CRYBG2: variants seen among roughly 807,000 people sequenced by gnomAD.
CRYBG2 encodes crystallin beta-gamma domain containing 2.
In CRYBG2, 106 loss-of-function variants were observed where a neutral mutation model predicts 153.4. The observed-to-expected ratio is 0.69, with a 90% CI of 0.59 to 0.81. The LOEUF (loss-of-function observed/expected upper bound fraction) is 0.81. CRYBG2 is among the 30% of genes least tolerant of loss of function. The probability of loss-of-function intolerance (pLI) is 0.00; values close to 1 mark genes in which losing one functional copy is unlikely to be tolerated. For missense variants in CRYBG2, 1,996 were observed against 2,112.0 expected (o/e 0.95, Z 1.08); for synonymous variants, 851 against 877.8 (o/e 0.97, Z 0.54).
Position 26,337,361 on chromosome 1 carries a change from C to T in CRYBG2, c.3663G>A (p.Lys1221=). 2 of 1,613,746 alleles carry T rather than the reference C, an allele frequency of 1.2e-6. No homozygotes were observed. Among genetic ancestry groups the T allele is most frequent in the African/African-American group, 1.3e-5 (1 of 75,014 alleles). The change falls in exon 10 of 20, where the codon AAG becomes AAA. Residue 1221 remains lysine, a synonymous_variant. Transcript: ENST00000308182. ...GATACTGGTGGCCCCGGAAGCCCTC[C>T]TTCTCGTAGCCCACCCAGCTGGGAA... The part of the protein sequence containing the change: ...VLGGCWVGYE[K]EGFRGHQYLL...
intron 14 of CRYBG2, among the ~76,000 whole-genome samples, chr1:26,333,053 T>TAA (rs1553167399): frequency 5.1e-4 from 17 of 33,064 alleles, no homozygotes; most frequent in Non-Finnish European, 9.1e-4. Context: ...AAAAGATTTC[T>TAA]AACAGCGGGA....
At position 26,336,230 on chromosome 1, in the gene CRYBG2, A is replaced by T. The variant is rs764362233; in HGVS notation, c.4072-23T>A. 8.3e-6 allele frequency: 13 copies of T among 1,567,676 alleles called. No individual in the cohort carries two copies. The highest frequency in any genetic ancestry group is 8.7e-7 in the Non-Finnish European group (1 of 1,154,006). ...AATCTGGAGGCAGAGAGGGGAGATG[A>T]GGGGAAGGAGGACGATGGAGTGGGG... On this transcript the variant is annotated intron_variant, in intron 13 of 19. Transcript: ENST00000308182. The surrounding 1 kb of genome is among the most constrained non-coding windows in gnomAD (Gnocchi z 4.9).
chr1:26,352,399 C>T (rs947779114), intron 1 of CRYBG2, among the ~76,000 whole-genome samples: 17 of 152,122 alleles, frequency 1.1e-4, no homozygotes, highest in South Asian at 6.2e-4. Flanking sequence ...GTGACACACA[C>T]GTGCACACAT....
rs1213677763 is a variant in CRYBG2, at chr1:26,342,823, G to A, written c.3135C>T (p.Asp1045=). 3 of 1,614,028 alleles carry A rather than the reference G, an allele frequency of 1.9e-6. No individual in the cohort carries two copies. In the Admixed American group the frequency reaches 5.0e-5, roughly 27 times the overall value. Residue 1045 remains aspartate, a synonymous_variant, in exon 5 of 20, where the codon GAC becomes GAT. Coordinates refer to ENST00000308182, the MANE Select transcript of CRYBG2 (RefSeq NM_001039775.4). The part of the protein sequence containing the change: ...RGQKLVLPEG[D]MELRTPGTKW... ...TTGTCCCTGGGGTTCTGAGTTCCAT[G>A]TCTCCTTCAGGCAGGACCAGCTTCT...
Position 26,336,336 on chromosome 1 carries a change from A to T in CRYBG2, c.4071+2T>A. On this transcript the variant is annotated splice_donor_variant, in intron 13 of 19. Transcript: ENST00000308182. LOFTEE classifies it high-confidence loss of function. This position sits in a 1 kb window ranked among gnomAD's most constrained non-coding sequence, Gnocchi z 4.9. ...CGGCTCCCTGCGGAGTCCCTGCCTT[A>T]CCTTTGAGACGAAGTGCAGATCGTG... is the stretch of plus-strand genomic sequence containing the variant. 1 of 1,613,544 alleles carries T rather than the reference A, an allele frequency of 6.2e-7. No homozygotes were observed. Among genetic ancestry groups the T allele is most frequent in the Non-Finnish European group, 8.5e-7 (1 of 1,179,718 alleles).
rs577540163 is a variant in CRYBG2 at position 26,351,249 on chromosome 1, T to C, written c.-56+2787A>G. ...CTTTTTCCTCATGCAACCCCTGCCC[T>C]CCTCGCTGGGACTCTGCCCAAATGA... On this transcript the variant is annotated intron_variant, in intron 1 of 19. Coordinates refer to ENST00000308182, the MANE Select transcript of CRYBG2 (RefSeq NM_001039775.4). Among the ~76,000 whole-genome samples, 21 of 152,206 alleles carry C rather than the reference T, an allele frequency of 1.4e-4. No individual in the cohort carries two copies. In the South Asian group the frequency reaches 4.3e-3, roughly 32 times the overall value.
rs1402348842 is a variant in CRYBG2 at position 26,336,648 on chromosome 1, G to A, written c.3996C>T (p.Gly1332=). 5 of 1,551,518 alleles carry A rather than the reference G, an allele frequency of 3.2e-6. No homozygotes were observed. The highest frequency in any genetic ancestry group is 1.2e-5 in the South Asian group (1 of 84,174). Residue 1332 remains glycine, a synonymous_variant, in exon 12 of 20, where the codon GGC becomes GGT. Coordinates refer to ENST00000308182, the MANE Select transcript of CRYBG2 (RefSeq NM_001039775.4). The surrounding 1 kb of genome is among the most constrained non-coding windows in gnomAD (Gnocchi z 4.9). ...GCGAGGCGAGGGTGCTGTTGCCAGC[G>A]CCCCAGTCCTCGCAGTTACGATACA... The part of the protein sequence containing the change: ...KGVYRNCEDW[G]AGNSTLASLQ...
At position 26,343,961 on chromosome 1, in the gene CRYBG2, C is replaced by A; in HGVS notation, c.2697G>T (p.Arg899Ser). ...ELGLELQGGSRPTSRLGGSLL... is the reference protein window; with the variant it reads ...ELGLELQGGSSPTSRLGGSLL... ...GGCTGCCTCCAAGACGGGAAGTGGG[C>A]CTGCTGCCTCCCTGCAGTTCCAATC... The change falls in exon 2 of 20, where the codon AGG becomes AGT. Residue 899 changes from arginine (R) to serine (S), a missense_variant. Physicochemically the swap from Arg to Ser is moderately radical, Grantham distance 110. Coordinates refer to ENST00000308182, the MANE Select transcript of CRYBG2 (RefSeq NM_001039775.4). The surrounding 1 kb of genome is among the most constrained non-coding windows in gnomAD (Gnocchi z 4.1). The A allele has an allele frequency of 2.0e-6, 3 of 1,537,444 alleles. No individual in the cohort carries two copies. The highest frequency in any genetic ancestry group is 2.4e-5 in the South Asian group (2 of 84,030).
At position 26,324,246 on chromosome 1, in the gene CRYBG2, A is replaced by G. The variant is rs2124689795; in HGVS notation, c.4643T>C (p.Val1548Ala). The change falls in exon 18 of 20, where the codon GTG becomes GCG. Residue 1548 changes from valine (V) to alanine (A), a missense_variant. By Grantham distance (64) the Val-to-Ala change is moderately conservative (BLOSUM62 0). Transcript: ENST00000308182. Reference sequence around the variant, plus strand: ...CACACGGCCTGCTTTCATGTCCTCCACATGGTCCGGCACTGCCAGGAATCC... The same window carrying G: ...CACACGGCCTGCTTTCATGTCCTCCGCATGGTCCGGCACTGCCAGGAATCC... ...LGGFLAVPDH[V>A]EDMKAGRVVV... 6.2e-7 allele frequency: 1 copy of G among 1,612,586 alleles called. No individual in the cohort carries two copies. The highest frequency in any genetic ancestry group is 2.2e-5 in the East Asian group (1 of 44,876).
chr1:26,335,996 G>T, intron 14 of CRYBG2, 99 bp downstream of exon 14: 2 of 1,025,426 alleles, frequency 2.0e-6, no homozygotes, highest in East Asian at 2.7e-5. Flanking sequence ...ACAGTTCATC[G>T]CAAGGTAGCC....
rs763184459 is a variant in CRYBG2 at position 26,324,306 on chromosome 1, C to G, written c.4583G>C (p.Arg1528Pro). Residue 1528 changes from arginine (R) to proline (P), a missense_variant, in exon 18 of 20, where the codon CGG (arginine) becomes CCG (proline). By Grantham distance (103) the Arg-to-Pro change is moderately radical. Transcript: ENST00000308182. ...VGSLYPIKQR[R>P]VYFRLWNAAL... ...TGCATTCCAGAGGCGGAAATAAACC[C>G]GGCGCTGGTGGCAGAAAGAGGCTGA... 2 of 1,604,734 alleles carry G rather than the reference C, an allele frequency of 1.2e-6. No homozygotes were observed. The highest frequency in any genetic ancestry group is 1.7e-5 in the Admixed American group (1 of 59,732).
At chr1:26,352,636 C>G (rs1414786294) in intron 1 of CRYBG2, among the ~76,000 whole-genome samples, 1 of 152,122 alleles carries the variant, frequency 6.6e-6, no homozygotes. Context: ...TGGAGGTCAC[C>G]TGCCCCCCAC....
In CRYBG2 at chr1:26,337,766, C is replaced by A. The variant is rs527240529; in HGVS notation, c.3508-92G>T. On this transcript the variant is annotated intron_variant, in intron 8 of 19. Transcript: ENST00000308182. Reference sequence around the variant, plus strand: ...TGCCCAGCATCAGGCCAATGTGGCACCCCCCAGCCCTCCCACCTCCTTGCT... The same window carrying A: ...TGCCCAGCATCAGGCCAATGTGGCAACCCCCAGCCCTCCCACCTCCTTGCT... 4 of 1,497,258 alleles carry A rather than the reference C, an allele frequency of 2.7e-6. No individual in the cohort carries two copies. The East Asian group carries it at 7.2e-5, about 27-fold the overall frequency. The allele number at this position is 1,497,258 out of a possible 1,614,324, so 92.7% of individuals were successfully genotyped here. A position where few individuals can be genotyped will look rare whatever the true frequency, so the allele number is the denominator to read the frequency against.
Position 26,336,283 on chromosome 1 carries a change from C to T in CRYBG2, c.4071+55G>A, listed in dbSNP as rs7517559. ...GAGAACAGCGGGGAGGGGAAAGGTC[C>T]GAAATGAGGGGAGAGACGTGAGCCC... On this transcript the variant is annotated intron_variant, in intron 13 of 19. Transcript: ENST00000308182. The surrounding 1 kb of genome is among the most constrained non-coding windows in gnomAD (Gnocchi z 4.9). 1,279,214 of 1,607,270 alleles carry T rather than the reference C, an allele frequency of 0.8. 516,357 individuals carry two copies. Among genetic ancestry groups the T allele is most frequent in the Middle Eastern group, 0.85 (5,143 of 6,056 alleles).
chr1:26,348,984 C>T (rs1016814100), intron 1 of CRYBG2, among the ~76,000 whole-genome samples: 5 of 151,930 alleles, frequency 3.3e-5, no homozygotes, highest in African/African-American at 4.8e-5. Flanking sequence ...GCCTGACTAA[C>T]GTGATGAAAC....
Position 26,325,980 on chromosome 1 carries a change from G to A in CRYBG2, c.4579-1670C>T, listed in dbSNP as rs1160113781. On this transcript the variant is annotated intron_variant, in intron 17 of 19. Transcript: ENST00000308182. The surrounding 1 kb of genome is among the most constrained non-coding windows in gnomAD (Gnocchi z 4.1). Reference sequence around the variant, plus strand: ...ACCAGTGGAGCCATCATGGCTCACTGTAGCCTCAAACTCCTGGGCTCAGGT... The same window carrying A: ...ACCAGTGGAGCCATCATGGCTCACTATAGCCTCAAACTCCTGGGCTCAGGT... Among the ~76,000 whole-genome samples the A allele has an allele frequency of 6.6e-6, 1 of 152,026 alleles. No individual in the cohort carries two copies. Among genetic ancestry groups the A allele is most frequent in the Non-Finnish European group, 1.5e-5 (1 of 67,996 alleles).
At position 26,343,971 on chromosome 1, in the gene CRYBG2, C is replaced by T. The variant is rs1278937615; in HGVS notation, c.2687G>A (p.Gly896Glu). 7 of 1,536,968 alleles carry T rather than the reference C, an allele frequency of 4.6e-6. No individual in the cohort carries two copies. The highest frequency in any genetic ancestry group is 1.4e-5 in the African/African-American group (1 of 73,054). The change falls in exon 2 of 20, where the codon GGA (glycine) becomes GAA (glutamate). Residue 896 changes from glycine (G) to glutamate (E), a missense_variant. Transcript: ENST00000308182. This position sits in a 1 kb window ranked among gnomAD's most constrained non-coding sequence, Gnocchi z 4.1. ...AAGACGGGAAGTGGGCCTGCTGCCT[C>T]CCTGCAGTTCCAATCCCAGCTCTGA... ...PHSELGLELQGGSRPTSRLGG... is the reference protein window; with the variant it reads ...PHSELGLELQEGSRPTSRLGG...
In CRYBG2 at chr1:26,336,149, T is replaced by C. The variant is rs749710567; in HGVS notation, c.4130A>G (p.Gln1377Arg). 8.4e-6 allele frequency: 13 copies of C among 1,541,060 alleles called. No individual in the cohort carries two copies. The highest frequency in any genetic ancestry group is 1.1e-5 in the Non-Finnish European group (13 of 1,139,268). ...LGDHFSFEDD[Q>R]AALPASFRPQ... ...TCGGAAGGAGGCGGGCAGAGCGGCC[T>C]GGTCATCTTCGAAAGAGAAGTGGTC... Residue 1377 changes from glutamine to arginine, a missense_variant, in exon 14 of 20, where the codon CAG becomes CGG. Coordinates refer to ENST00000308182, the MANE Select transcript of CRYBG2 (RefSeq NM_001039775.4). The surrounding 1 kb of genome is among the most constrained non-coding windows in gnomAD (Gnocchi z 4.9).
At position 26,328,264 on chromosome 1, in the gene CRYBG2, T is replaced by C. The variant is rs972122401; in HGVS notation, c.4523A>G (p.Asn1508Ser). The change falls in exon 17 of 20, where the codon AAC becomes AGC. Residue 1508 changes from asparagine (N) to serine (S), a missense_variant. Asn to Ser is a conservative substitution (Grantham distance 46). Transcript: ENST00000308182. ...QWLVGSCEIT[N>S]WLTYSGTQRV... ...CTGGGTGCCGCTGTAGGTCAGCCAG[T>C]TGGTGATCTCGCAGCTTCCCACCAG... is the stretch of plus-strand genomic sequence containing the variant. 2 of 1,567,220 alleles carry C rather than the reference T, an allele frequency of 1.3e-6. No homozygotes were observed. Among genetic ancestry groups the C allele is most frequent in the Non-Finnish European group, 1.7e-6 (2 of 1,155,920 alleles).
Sources: gnomAD v4.1 joint callset for allele counts (sites outside exome capture counted in the v4.1 genomes callset) on GRCh38, gnomAD v4.1.1 for gene constraint, Gnocchi (gnomAD v3.1) non-coding constraint, MANE v1.5 for transcripts, NCBI Gene and HGNC (gene_info 2026-07-23, HGNC 2026-07-21) for gene names.